Variants in FAM117A observed in about 807,000 individuals in gnomAD.
The protein encoded by FAM117A is family with sequence similarity 117 member A.
FAM117A carries 21 observed loss-of-function variants against 44.1 expected under a neutral mutation model. The ratio of observed to expected loss-of-function variants is 0.48; its 90% CI spans 0.34 to 0.69. The LOEUF (loss-of-function observed/expected upper bound fraction) is 0.69, where lower values mean the gene tolerates loss of function less well. Among genes scored for constraint, FAM117A ranks in the 30% least tolerant of loss-of-function variants. The pLI, the probability that FAM117A is intolerant of heterozygous loss-of-function variation, is 0.01. For synonymous variants in FAM117A, 220 were observed against 238.3 expected, an observed-to-expected ratio of 0.92 and a Z score of 0.71; for missense variants, 498 against 589.9, an observed-to-expected ratio of 0.84 and a Z score of 1.61.
intron 1 of FAM117A, among the ~76,000 whole-genome samples, chr17:49,786,956 C>T (rs1341881683): frequency 2.6e-5 from 4 of 151,906 alleles, no homozygotes; most frequent in Admixed American, 2.6e-4. Flanking sequence ...TGGTGGCACA[C>T]GCCTGCAGTC....
intron 6 of FAM117A, 112 bp downstream of exon 6, chr17:49,717,401 T>C (rs778516482): frequency 4.9e-6 from 4 of 811,940 alleles, no homozygotes; most frequent in Non-Finnish European, 7.8e-6. Flanking sequence ...CATAAAGATA[T>C]TCTAGTAGGG....
intron 1 of FAM117A, among the ~76,000 whole-genome samples, chr17:49,781,228 G>A (rs887525304): frequency 6.6e-6 from 1 of 152,168 alleles, no homozygotes; most frequent in African/African-American, 2.4e-5. Context: ...AATTAGTAAT[G>A]AATAGGGTTT....
intron 1 of FAM117A, among the ~76,000 whole-genome samples, chr17:49,776,318 G>C (rs995674790): frequency 6.6e-6 from 1 of 152,148 alleles, no homozygotes; most frequent in East Asian, 1.9e-4. Flanking sequence ...AGAAGGGAAA[G>C]GTCCAACTGC....
chr17:49,720,185 G>T, intron 4 of FAM117A, 141 bp downstream of exon 4: 1 of 720,692 alleles, frequency 1.4e-6, no homozygotes. Context: ...CACACAGCAA[G>T]ACCAAGTTTG....
Position 49,713,466 on chromosome 17 carries a change from C to T in FAM117A, c.1062-1911G>A, listed in dbSNP as rs2073487578. On this transcript the variant is annotated intron_variant, in intron 7 of 7. Coordinates refer to ENST00000240364, the MANE Select transcript of FAM117A (RefSeq NM_030802.4). Reference sequence around the variant, plus strand: ...ACTTTTTATTGAAGTATAATATATACACTCAGAGAAAAATGCACTCAGTAT... The same window carrying T: ...ACTTTTTATTGAAGTATAATATATATACTCAGAGAAAAATGCACTCAGTAT... Among the ~76,000 whole-genome samples the T allele has an allele frequency of 2.0e-5, 3 of 152,116 alleles. No individual in the cohort carries two copies. The South Asian group carries it at 6.2e-4, about 32-fold the overall frequency.
intron 2 of FAM117A, 21 bp downstream of exon 2, chr17:49,732,530 A>T (rs774214940): frequency 6.2e-7 from 1 of 1,613,610 alleles, no homozygotes; most frequent in South Asian, 1.1e-5. Flanking sequence ...CCCTTATCCC[A>T]TCAGGAGAGA....
At chr17:49,759,678 T>C (rs569178291) in intron 1 of FAM117A, among the ~76,000 whole-genome samples, 1 of 152,332 alleles carries the variant, frequency 6.6e-6, no homozygotes, top group East Asian at 1.9e-4. Flanking sequence ...CAACCTCCTT[T>C]TTATGGTTCC....
intron 2 of FAM117A, chr17:49,724,261 A>G (rs944487160): frequency 6.8e-6 from 3 of 441,690 alleles, no homozygotes; most frequent in Non-Finnish European, 1.4e-5. Flanking sequence ...TACCTCTGCT[A>G]ATCGAAGCTG....
At chr17:49,732,365 A>T in intron 2 of FAM117A, 186 bp downstream of exon 2, 1 of 534,546 alleles carries the variant, frequency 1.9e-6, no homozygotes, top group Non-Finnish European at 3.3e-6. Flanking sequence ...AGATCGCACC[A>T]CTGCACTCCA....
chr17:49,720,751 G>A (rs113833342), intron 3 of FAM117A, among the ~76,000 whole-genome samples: 4 of 151,314 alleles, frequency 2.6e-5, no homozygotes, highest in South Asian at 2.1e-4. Flanking sequence ...ACTGAGTCTC[G>A]CTCTCTCACC....
chr17:49,730,302 C>T (rs1183871220), intron 2 of FAM117A, among the ~76,000 whole-genome samples: 8 of 152,194 alleles, frequency 5.3e-5, no homozygotes, highest in Admixed American at 2.6e-4. Context: ...GGAGGCTCAT[C>T]GCTGACCTCT....
At chr17:49,777,928 A>G (rs546893967) in intron 1 of FAM117A, among the ~76,000 whole-genome samples, 1 of 152,344 alleles carries the variant, frequency 6.6e-6, no homozygotes, top group African/African-American at 2.4e-5. Flanking sequence ...ACTGAAGGTG[A>G]TAACATGGAG....
chr17:49,762,946 G>C lies in FAM117A; in HGVS notation c.196+946C>G, dbSNP rs2073727792. Among the ~76,000 whole-genome samples, 4 of 152,084 alleles carry C rather than the reference G, an allele frequency of 2.6e-5. No homozygotes were observed. The South Asian group carries it at 8.3e-4, about 31-fold the overall frequency. ...AGCCACCACATCAAGCTGTTATTAA[G>C]AACCCATTTCAGTGCTGTTCAGAAA... On this transcript the variant is annotated intron_variant, in intron 1 of 7. Transcript: ENST00000240364.
rs1307911533 is a variant in FAM117A at position 49,743,021 on chromosome 17, T to C, written c.197-10301A>G. Among the ~76,000 whole-genome samples, 3 of 152,202 alleles carry C rather than the reference T, an allele frequency of 2.0e-5. No individual in the cohort carries two copies. The East Asian group carries it at 5.8e-4, about 29-fold the overall frequency. The stretch of plus-strand genomic sequence containing the variant: ...GCAGGGCCTATGACACACCCCCATG[T>C]AGACAGGTGAACTGATTTCTCCAAG... On this transcript the variant is annotated intron_variant, in intron 1 of 7. Coordinates refer to ENST00000240364, the MANE Select transcript of FAM117A (RefSeq NM_030802.4).
intron 1 of FAM117A, among the ~76,000 whole-genome samples, chr17:49,786,885 A>G (rs2073812205): frequency 1.3e-5 from 2 of 152,018 alleles, no homozygotes; most frequent in Non-Finnish European, 2.9e-5. Flanking sequence ...GTAGGTCGAG[A>G]CCAGCCTGGG....
upstream of FAM117A, among the ~76,000 whole-genome samples, chr17:49,767,174 T>A (rs554745035): frequency 6.6e-6 from 1 of 152,308 alleles, no homozygotes; most frequent in East Asian, 1.9e-4. Context: ...TCTCCTGGCA[T>A]GGGCATGATG....
intron 1 of FAM117A, among the ~76,000 whole-genome samples, chr17:49,785,578 A>G (rs2073803341): frequency 6.6e-6 from 1 of 152,174 alleles, no homozygotes. Context: ...AGCAGAGCGG[A>G]GATTAAAATT....
rs1168415907 is a variant in FAM117A, at chr17:49,710,474, C to A, written c.*781G>T. 1.3e-5 allele frequency: 2 copies of A among 152,636 alleles called. No individual in the cohort carries two copies. Among genetic ancestry groups the A allele is most frequent in the Non-Finnish European group, 2.9e-5 (2 of 68,048 alleles). The allele number at this position is 152,636 out of a possible 1,614,324, so 9.5% of individuals were successfully genotyped here. A position where few individuals can be genotyped will look rare whatever the true frequency, so the allele number is the denominator to read the frequency against. ...TGCAGTACGGAAAATATACAAACTT[C>A]AAACAGCTGCAAAAATAGTGTCTTT... On this transcript the variant is annotated 3_prime_UTR_variant, in exon 8 of 8. Coordinates refer to ENST00000240364, the MANE Select transcript of FAM117A (RefSeq NM_030802.4).
At chr17:49,730,027 G>C (rs1428392583) in intron 2 of FAM117A, among the ~76,000 whole-genome samples, 1 of 152,196 alleles carries the variant, frequency 6.6e-6, no homozygotes, top group Non-Finnish European at 1.5e-5. Context: ...TGTAATACCA[G>C]TGTTGAAGAG....
Sources: gnomAD v4.1 joint callset for allele counts (sites outside exome capture counted in the v4.1 genomes callset) on GRCh38, gnomAD v4.1.1 for gene constraint, MANE v1.5 for transcripts, NCBI Gene and HGNC (gene_info 2026-07-23, HGNC 2026-07-21) for gene names.